The following CPS1 variants were observed in gnomAD, a reference collection of about 807,000 sequenced individuals.
CPS1 encodes carbamoyl-phosphate synthase [ammonia], mitochondrial.
Under a neutral mutation model 174.6 loss-of-function variants are expected in CPS1, and 109 were observed. That is an observed-to-expected ratio of 0.62 (90% CI 0.53 to 0.73). The LOEUF (loss-of-function observed/expected upper bound fraction) is 0.73, where lower values mean the gene tolerates loss of function less well. Ranked by LOEUF, CPS1 falls within the 30% of genes least tolerant of loss-of-function variation. The pLI, the probability that CPS1 is intolerant of heterozygous loss-of-function variation, is 0.00. For missense variants in CPS1, 1,689 were observed against 1,821.9 expected (o/e 0.93, Z 1.33); for synonymous variants, 637 against 632.0 (o/e 1.01, Z -0.12).
rs201058019 is a variant in CPS1, at chr2:210,606,947, A to T, written c.2192+6A>T. On this transcript the variant is annotated splice_donor_region_variant and intron_variant, in intron 18 of 37. Transcript: ENST00000233072. ...CTGGCCTCAAAAGCCACTGGGTAAG[A>T]CCAGAATAATTGACCATGGGTTTGC... 1,975 of 1,609,774 alleles carry T rather than the reference A, an allele frequency of 1.2e-3. 2 individuals carry two copies. Among genetic ancestry groups the T allele is most frequent in the Non-Finnish European group, 1.6e-3 (1,903 of 1,177,062 alleles).
At chr2:210,650,487 A>G (rs1262411951) in intron 28 of CPS1, 49 bp downstream of exon 28, 2 of 1,252,616 alleles carry the variant, frequency 1.6e-6, no homozygotes, top group South Asian at 1.2e-5. Flanking sequence ...ATAAACATGT[A>G]GTGACATTTA....
At chr2:210,536,514 G>A (rs1364784884) in intron 1 of CPS1, among the ~76,000 whole-genome samples, 2 of 151,912 alleles carry the variant, frequency 1.3e-5, no homozygotes, top group Non-Finnish European at 2.9e-5. Context: ...TAGTAGAGAC[G>A]ACAGGGTTTC....
Position 210,592,915 on chromosome 2 carries a change from C to T in CPS1, c.1123C>T (p.Gln375Ter). The change falls in exon 11 of 38, where the codon CAG becomes TAG. Residue 375 changes from glutamine (Q) to a stop codon, truncating the protein, a stop_gained. Transcript: ENST00000233072. LOFTEE classifies it high-confidence loss of function. ...TGAGAGCAAACCCTTCTTCGCTGTG[C>T]AGTTCCACCCAGAGGTCACCCCGGG... Reference protein sequence around the residue: ...MHESKPFFAVQFHPEVTPGPI... With the variant: ...MHESKPFFAV 1 of 1,612,362 alleles carries T rather than the reference C, an allele frequency of 6.2e-7. No homozygotes were observed. The highest frequency in any genetic ancestry group is 8.5e-7 in the Non-Finnish European group (1 of 1,178,968).
chr2:210,507,236 G>T (rs991282689), intron 1 of CPS1, among the ~76,000 whole-genome samples: 2 of 152,178 alleles, frequency 1.3e-5, no homozygotes, highest in African/African-American at 2.4e-5. Flanking sequence ...CATTCTTAAA[G>T]AAAAGAATTT....
At chr2:210,482,155 TC>T (rs773918219) in intron 1 of CPS1, among the ~76,000 whole-genome samples, 4 of 152,172 alleles carry the variant, frequency 2.6e-5, no homozygotes, top group Non-Finnish European at 4.4e-5. Flanking sequence ...AAAACTTTTT[TC>T]CCTGGGTAAC....
At chr2:210,576,239 G>T in intron 2 of CPS1, 107 bp from the exon 3 acceptor site, 1 of 1,216,226 alleles carries the variant, frequency 8.2e-7, no homozygotes, top group Non-Finnish European at 1.2e-6. Context: ...CATTCTTGTT[G>T]GATTCTTCTC....
chr2:210,678,147 A>G lies in CPS1; in HGVS notation c.*162A>G. 1.4e-6 allele frequency: 1 copy of G among 718,682 alleles called. No homozygotes were observed. Among genetic ancestry groups the G allele is most frequent in the East Asian group, 2.7e-5 (1 of 37,460 alleles). The allele number at this position is 718,682 out of a possible 1,614,324, so 44.5% of individuals were successfully genotyped here. A position where few individuals can be genotyped will look rare whatever the true frequency, so the allele number is the denominator to read the frequency against. On this transcript the variant is annotated 3_prime_UTR_variant, in exon 38 of 38. Coordinates refer to ENST00000233072, the MANE Select transcript of CPS1 (RefSeq NM_001875.5). ...CTGTGTCTTTTGCAATTAAATTGTC[A>G]GTCACTTCTTCAAAACCTTACAGTC...
chr2:210,542,231 A>T (rs1365893567), intron 1 of CPS1, among the ~76,000 whole-genome samples: 2 of 152,130 alleles, frequency 1.3e-5, no homozygotes, highest in East Asian at 3.9e-4. Flanking sequence ...TGTGTTTGAG[A>T]ATGGCTGAAG....
intron 1 of CPS1, chr2:210,519,861 G>A: frequency 1.2e-6 from 1 of 858,366 alleles, no homozygotes; most frequent in Non-Finnish European, 1.4e-6. Context: ...GTTCTGGGTT[G>A]TAGTGATATA....
chr2:210,507,237 A>G (rs1695312819), intron 1 of CPS1, among the ~76,000 whole-genome samples: 2 of 152,246 alleles, frequency 1.3e-5, no homozygotes, highest in South Asian at 4.1e-4. Context: ...ATTCTTAAAG[A>G]AAAGAATTTT....
At position 210,637,800 on chromosome 2, in the gene CPS1, G is replaced by A. The variant is rs748045437; in HGVS notation, c.2786G>A (p.Arg929Lys). Reference protein sequence around the residue: ...KCLGLTEAQTRELRLKKNIHP... With the variant: ...KCLGLTEAQTKELRLKKNIHP... ...CTTGGGCTCACTGAGGCCCAGACAA[G>A]GGAGCTGAGGTTAAAGAAAAACATC... The change falls in exon 22 of 38, where the codon AGG becomes AAG. Residue 929 changes from arginine to lysine, a missense_variant. Coordinates refer to ENST00000233072, the MANE Select transcript of CPS1 (RefSeq NM_001875.5). 10 of 1,613,928 alleles carry A rather than the reference G, an allele frequency of 6.2e-6. No homozygotes were observed. In the Admixed American group the frequency reaches 1.7e-4, roughly 27 times the overall value.
chr2:210,510,863 T>C (rs1695448905), intron 1 of CPS1, among the ~76,000 whole-genome samples: 1 of 152,128 alleles, frequency 6.6e-6, no homozygotes, highest in East Asian at 1.9e-4. Context: ...ATGGCGATCA[T>C]TAAGAAGTCA....
chr2:210,517,712 C>G (rs1033323711), intron 1 of CPS1, among the ~76,000 whole-genome samples: 1 of 151,886 alleles, frequency 6.6e-6, no homozygotes, highest in African/African-American at 2.4e-5. Flanking sequence ...CTTTTTGTAT[C>G]TGAATAATCA....
Position 210,674,961 on chromosome 2 carries a change from G to A in CPS1, c.4161G>A (p.Lys1387=), listed in dbSNP as rs200616712. Reference sequence around the variant, plus strand: ...AACAATTACACAATGAAGGTTTCAAGGTATGTTCATTAGTTTTAAGTTGTT... The same window carrying A: ...AACAATTACACAATGAAGGTTTCAAAGTATGTTCATTAGTTTTAAGTTGTT... ...VAEQLHNEGF[K]LFATEATSDW... The change falls in exon 35 of 38, where the codon AAG becomes AAA. Residue 1387 remains lysine (K), a splice_region_variant and synonymous_variant. Transcript: ENST00000233072. The A allele has an allele frequency of 3.5e-5, 57 of 1,609,724 alleles. No homozygotes were observed. The highest frequency in any genetic ancestry group is 1.7e-4 in the Middle Eastern group (1 of 6,052).
chr2:210,519,678 A>T (rs1695770311), intron 1 of CPS1: 1 of 901,768 alleles, frequency 1.1e-6, no homozygotes, highest in Admixed American at 6.2e-5. Flanking sequence ...CAGGCACGTG[A>T]CCCAAGCCCC....
At chr2:210,511,885 T>A (rs1018167329) in intron 1 of CPS1, among the ~76,000 whole-genome samples, 2 of 152,104 alleles carry the variant, frequency 1.3e-5, no homozygotes, top group Non-Finnish European at 2.9e-5. Flanking sequence ...TAATCTTCAA[T>A]AAATTTATTC....
intron 1 of CPS1, among the ~76,000 whole-genome samples, chr2:210,485,144 T>C (rs938545260): frequency 3.3e-5 from 5 of 150,564 alleles, no homozygotes; most frequent in Admixed American, 3.3e-4. Context: ...GGCAGGAGAA[T>C]GGTGTGAACC....
At chr2:210,554,410 T>G (rs1696837046), upstream of CPS1, among the ~76,000 whole-genome samples, 1 of 151,798 alleles carries the variant, frequency 6.6e-6, no homozygotes, top group African/African-American at 2.4e-5. Flanking sequence ...CCTAGAATTG[T>G]TGATTGTTGA....
intron 1 of CPS1, among the ~76,000 whole-genome samples, chr2:210,540,187 T>A (rs1200653271): frequency 6.6e-6 from 1 of 152,206 alleles, no homozygotes; most frequent in East Asian, 1.9e-4. Flanking sequence ...TTGTTAGCAC[T>A]GTGTTCTTAC....
Sources: gnomAD v4.1 joint callset for allele counts (sites outside exome capture counted in the v4.1 genomes callset) on GRCh38, gnomAD v4.1.1 for gene constraint, MANE v1.5 for transcripts, NCBI Gene and HGNC (gene_info 2026-07-23, HGNC 2026-07-21) for gene names.